Variants in SCN2A observed in about 807,000 individuals in gnomAD.
The protein encoded by SCN2A is sodium channel protein type 2 subunit alpha.
Under a neutral mutation model 188.7 loss-of-function variants are expected in SCN2A, and 20 were observed. The ratio of observed to expected loss-of-function variants is 0.11; its 90% CI spans 0.07 to 0.15. The LOEUF (loss-of-function observed/expected upper bound fraction) is 0.15, where lower values mean the gene tolerates loss of function less well. Ranked by LOEUF, SCN2A falls within the 10% of genes least tolerant of loss-of-function variation. The pLI, the probability that SCN2A is intolerant of heterozygous loss-of-function variation, is 1.00. For missense variants in SCN2A, 1,278 were observed against 2,445.0 expected (o/e 0.52, Z 10.07); for synonymous variants, 804 against 833.1 (o/e 0.97, Z 0.60).
intron 11 of SCN2A, 142 bp downstream of exon 11, chr2:165,315,900 C>T: frequency 2.0e-6 from 2 of 1,019,182 alleles, no homozygotes; most frequent in Non-Finnish European, 1.4e-6. Flanking sequence ...TTTTGGCTAT[C>T]ACTTCAGAGA....
chr2:165,279,503 T>C (rs1174091190), intron 1 of SCN2A, among the ~76,000 whole-genome samples: 2 of 152,120 alleles, frequency 1.3e-5, no homozygotes, highest in African/African-American at 2.4e-5. Context: ...TGGACTTAAA[T>C]GATAAAGTTT....
At chr2:165,334,500 T>C (rs1698877243) in intron 14 of SCN2A, among the ~76,000 whole-genome samples, 2 of 151,800 alleles carry the variant, frequency 1.3e-5, no homozygotes, top group Non-Finnish European at 1.5e-5. Context: ...ATTAATGTAA[T>C]ATATCATATT....
rs1697225882 is a variant in SCN2A at position 165,307,931 on chromosome 2, A to G, written c.470A>G (p.Asn157Ser). The G allele has an allele frequency of 6.3e-7, 1 of 1,596,434 alleles. No individual in the cohort carries two copies. Among genetic ancestry groups the G allele is most frequent in the Admixed American group, 1.7e-5 (1 of 59,970 alleles). ...TMSNPPDWTK[N>S]VEYTFTGIYT... ...AGTAACCCTCCAGACTGGACAAAGA[A>G]TGTGGAGTAAGTATAAATATTTTTC... is the stretch of plus-strand genomic sequence containing the variant. The change falls in exon 4 of 27, where the codon AAT becomes AGT. Residue 157 changes from asparagine (N) to serine (S), a missense_variant. Physicochemically the swap from Asn to Ser is conservative, Grantham distance 46 (BLOSUM62 1). Transcript: ENST00000375437.
intron 11 of SCN2A, among the ~76,000 whole-genome samples, chr2:165,321,208 G>T (rs1428516315): frequency 6.6e-6 from 1 of 152,134 alleles, no homozygotes; most frequent in Non-Finnish European, 1.5e-5. Flanking sequence ...AGTCACCTTT[G>T]CTCCATTTCC....
chr2:165,314,198 A>G, intron 10 of SCN2A, 90 bp downstream of exon 10: 2 of 1,311,510 alleles, frequency 1.5e-6, no homozygotes, highest in Non-Finnish European at 2.2e-6. Flanking sequence ...AGTTGACATT[A>G]GAAATAGGTC....
chr2:165,296,727 T>C (rs138653793), intron 2 of SCN2A: 1 of 203,372 alleles, frequency 4.9e-6, no homozygotes, highest in East Asian at 1.2e-4. Context: ...TTTATGTGAA[T>C]TATAAATGCG....
intron 17 of SCN2A, among the ~76,000 whole-genome samples, chr2:165,360,538 A>G (rs1161086069): frequency 1.3e-5 from 2 of 151,960 alleles, no homozygotes; most frequent in African/African-American, 2.4e-5. Flanking sequence ...AATATTAGGT[A>G]TCCACCAAAA....
At chr2:165,350,460 C>CTT (rs796595702) in intron 16 of SCN2A, among the ~76,000 whole-genome samples, 19 of 77,922 alleles carry the variant, frequency 2.4e-4, no homozygotes, top group East Asian at 9.0e-4. Flanking sequence ...GAACTGTTTT[C>CTT]TTTCTTTTTT....
At chr2:165,244,848 A>G (rs1407509952) in intron 1 of SCN2A, among the ~76,000 whole-genome samples, 3 of 152,200 alleles carry the variant, frequency 2.0e-5, no homozygotes, top group African/African-American at 7.2e-5. Context: ...AAATAGGTAT[A>G]CAATTATGTG....
At chr2:165,353,879 CAAAT>C (rs1248205162) in intron 16 of SCN2A, among the ~76,000 whole-genome samples, 2 of 151,974 alleles carry the variant, frequency 1.3e-5, no homozygotes, top group East Asian at 3.9e-4. Flanking sequence ...ATCAGCATCC[CAAAT>C]AAAAGGGTTT....
intron 1 of SCN2A, among the ~76,000 whole-genome samples, chr2:165,253,626 C>T (rs1694191364): frequency 6.6e-6 from 1 of 151,942 alleles, no homozygotes; most frequent in African/African-American, 2.4e-5. Flanking sequence ...GACAATATGG[C>T]CCACAAAGCC....
chr2:165,283,998 G>T (rs959270224), intron 1 of SCN2A, among the ~76,000 whole-genome samples: 9 of 151,890 alleles, frequency 5.9e-5, no homozygotes, highest in Non-Finnish European at 1.3e-4. Flanking sequence ...ATTACATGAA[G>T]AAATGAACCC....
chr2:165,326,590 G>C (rs2105283791), intron 12 of SCN2A, among the ~76,000 whole-genome samples: 1 of 152,244 alleles, frequency 6.6e-6, no homozygotes, highest in Non-Finnish European at 1.5e-5. Context: ...TCCAGTAGTG[G>C]ACCTGGTCCC....
chr2:165,274,779 T>C (rs535925954), intron 1 of SCN2A, among the ~76,000 whole-genome samples: 2 of 152,352 alleles, frequency 1.3e-5, no homozygotes, highest in African/African-American at 2.4e-5. Flanking sequence ...GTACTTTTCA[T>C]ATCCGTAAAG....
At chr2:165,253,763 A>G (rs746042151) in intron 1 of SCN2A, among the ~76,000 whole-genome samples, 3 of 152,092 alleles carry the variant, frequency 2.0e-5, no homozygotes, top group Non-Finnish European at 4.4e-5. Flanking sequence ...GAATGAACCT[A>G]TATAGAGAAA....
chr2:165,346,293 A>C (rs1699582806), intron 16 of SCN2A, among the ~76,000 whole-genome samples: 1 of 152,108 alleles, frequency 6.6e-6, no homozygotes, highest in Admixed American at 6.6e-5. Context: ...GGTTATCCTG[A>C]AGAGTGTTTT....
chr2:165,264,257 G>A (rs898771712), intron 1 of SCN2A, among the ~76,000 whole-genome samples: 1 of 152,068 alleles, frequency 6.6e-6, no homozygotes, highest in Non-Finnish European at 1.5e-5. Flanking sequence ...AATCCACTAT[G>A]ATCAAGTGGG....
chr2:165,372,123 G>A (rs1431789622), intron 20 of SCN2A: 2 of 152,082 alleles, frequency 1.3e-5, no homozygotes, highest in Non-Finnish European at 2.9e-5. Context: ...ATACAGAAAA[G>A]CTTCACAACT....
chr2:165,315,452 A>G lies in SCN2A; in HGVS notation c.1384-19A>G, dbSNP rs374713779. The G allele has an allele frequency of 3.7e-6, 6 of 1,613,494 alleles. No homozygotes were observed. The highest frequency in any genetic ancestry group is 3.4e-6 in the Non-Finnish European group (4 of 1,179,684). On this transcript the variant is annotated intron_variant, in intron 10 of 26. Coordinates refer to ENST00000375437, the MANE Select transcript of SCN2A (RefSeq NM_001040142.2). ...TTTTAAGTTTATATGCAACTTCCACATACTTTGCGCCCTTCTAGGCGGCAG... is the reference window on the plus strand; with the variant it reads ...TTTTAAGTTTATATGCAACTTCCACGTACTTTGCGCCCTTCTAGGCGGCAG...
Sources: allele counts gnomAD v4.1 joint callset (sites outside exome capture counted in the v4.1 genomes callset), GRCh38; gene constraint gnomAD v4.1.1; transcripts MANE v1.5; gene names NCBI Gene and HGNC (gene_info 2026-07-23, HGNC 2026-07-21).